Variants in ZNF10 observed in about 807,000 individuals in gnomAD.
ZNF10 encodes the protein zinc finger protein 10 (KOX 1).
ZNF10 carries 8 observed loss-of-function variants against 12.2 expected under a neutral mutation model. The ratio of observed to expected loss-of-function variants is 0.66; its 90% CI spans 0.39 to 1.18. ZNF10 has a LOEUF of 1.18. Among genes scored for constraint, ZNF10 ranks in the 50% most tolerant of loss-of-function variants. ZNF10 has a pLI of 0.01. For missense variants in ZNF10, 603 were observed against 678.9 expected, an observed-to-expected ratio of 0.89 and a Z score of 1.24; for synonymous variants, 229 against 228.2, an observed-to-expected ratio of 1.00 and a Z score of -0.03.
chr12:133,130,641 C>T lies in ZNF10; in HGVS notation c.-173C>T, dbSNP rs930872174. 2.0e-5 allele frequency: 3 copies of T among 152,400 alleles called. No homozygotes were observed. Among genetic ancestry groups the T allele is most frequent in the East Asian group, 3.8e-4 (2 of 5,202 alleles). 9.4% of individuals were successfully genotyped at this position (152,400 alleles called of 1,614,324 possible). ...GAGCCGGCCTCAGACTCACCTCTGA[C>T]GCCGCTCTTCGCGCTCCGCTGGTGA... On this transcript the variant is annotated 5_prime_UTR_variant, in exon 1 of 5. It adds an upstream start codon to the 5' untranslated region. Coordinates refer to ENST00000248211, the MANE Select transcript of ZNF10 (RefSeq NM_015394.5).
chr12:133,138,024 C>A (rs1416429105), intron 1 of ZNF10, among the ~76,000 whole-genome samples: 1 of 144,250 alleles, frequency 6.9e-6, no homozygotes, highest in Non-Finnish European at 1.5e-5. Context: ...GCTATACATT[C>A]ATTTGTACCA....
intron 1 of ZNF10, among the ~76,000 whole-genome samples, chr12:133,139,702 A>G (rs1955933295): frequency 6.6e-6 from 1 of 152,010 alleles, no homozygotes; most frequent in Admixed American, 6.6e-5. Flanking sequence ...AAGAGGGGGA[A>G]TTTATAGGTT....
In ZNF10 at chr12:133,156,359, T is replaced by C. The variant is rs1356144935; in HGVS notation, c.1113T>C (p.His371=). ...GGCTTATTAGACACCAGAGGACACA[T>C]ACTGGAGAGAAACCCTATGAATGTC... ...SSRLIRHQRT[H]TGEKPYECPE... The change falls in exon 5 of 5, where the codon CAT becomes CAC. Residue 371 remains histidine (H), a synonymous_variant. Coordinates refer to ENST00000248211, the MANE Select transcript of ZNF10 (RefSeq NM_015394.5). 5 of 1,613,966 alleles carry C rather than the reference T, an allele frequency of 3.1e-6. No homozygotes were observed. The highest frequency in any genetic ancestry group is 4.2e-6 in the Non-Finnish European group (5 of 1,180,026).
chr12:133,135,569 A>C (rs1022011473), intron 1 of ZNF10, among the ~76,000 whole-genome samples: 4 of 152,074 alleles, frequency 2.6e-5, no homozygotes, highest in Non-Finnish European at 5.9e-5. Flanking sequence ...ACTTCCACTC[A>C]TGACCCAAAC....
rs201972025 is a variant in ZNF10, at chr12:133,148,750, G to GTT, written c.34-2278_34-2277insTT. 2.2e-3 allele frequency among the ~76,000 whole-genome samples: 306 copies of GTT among 137,350 alleles called. 4 individuals are homozygous for GTT. Among genetic ancestry groups the GTT allele is most frequent in the South Asian group, 0.019 (84 of 4,322 alleles). The allele number at this position is 137,350 out of a possible 152,430, so 90.1% of individuals were successfully genotyped here. The stretch of plus-strand genomic sequence containing the variant: ...AGGTTTCTAGGTTGTATTCAATGTT[G>GTT]GTTTTTTTTTTTTTTTTTTGAGTTG... On this transcript the variant is annotated intron_variant, in intron 2 of 4. Coordinates refer to ENST00000248211, the MANE Select transcript of ZNF10 (RefSeq NM_015394.5).
At chr12:133,139,523 A>G (rs1955932176) in intron 1 of ZNF10, among the ~76,000 whole-genome samples, 1 of 152,174 alleles carries the variant, frequency 6.6e-6, no homozygotes, top group South Asian at 2.1e-4. Context: ...CCAAAAGGGA[A>G]TTTTAAACAG....
At chr12:133,154,155 G>A (rs1351138264) in intron 4 of ZNF10, among the ~76,000 whole-genome samples, 1 of 152,096 alleles carries the variant, frequency 6.6e-6, no homozygotes, top group Admixed American at 6.5e-5. Flanking sequence ...TACCAGGTAA[G>A]AGTGGAATGT....
At chr12:133,146,582 A>G (rs927839145) in intron 2 of ZNF10, among the ~76,000 whole-genome samples, 11 of 152,188 alleles carry the variant, frequency 7.2e-5, no homozygotes, top group Non-Finnish European at 1.3e-4. Flanking sequence ...ACTGTGGCTC[A>G]TGCCTGTAAT....
chr12:133,143,083 A>G (rs1247026163), intron 1 of ZNF10, among the ~76,000 whole-genome samples: 4 of 152,230 alleles, frequency 2.6e-5, no homozygotes, highest in African/African-American at 9.6e-5. Context: ...GAAATAAGCC[A>G]GACTCGAAAG....
At chr12:133,151,671 T>G (rs913692917) in intron 3 of ZNF10, 138 bp from the exon 4 acceptor site, 3 of 507,618 alleles carry the variant, frequency 5.9e-6, no homozygotes, top group African/African-American at 3.9e-5. Flanking sequence ...AAAATAAGTT[T>G]TCCTGCCTCT....
At chr12:133,144,147 G>A (rs1055185873) in intron 1 of ZNF10, 11 of 173,526 alleles carry the variant, frequency 6.3e-5, no homozygotes, top group African/African-American at 9.6e-5. Flanking sequence ...ATTTTTTTCC[G>A]CAAAAAAAAA....
chr12:133,141,239 A>C (rs975334023), intron 1 of ZNF10, among the ~76,000 whole-genome samples: 7 of 152,198 alleles, frequency 4.6e-5, no homozygotes, highest in African/African-American at 1.7e-4. Context: ...CAAATAACCT[A>C]ACCATCCTAA....
chr12:133,147,893 T>C (rs1264692322), intron 2 of ZNF10, among the ~76,000 whole-genome samples: 2 of 151,902 alleles, frequency 1.3e-5, no homozygotes, highest in Admixed American at 1.3e-4. Context: ...GAGGCCTGCC[T>C]TGGCCTCCCA....
At chr12:133,134,311 TC>T (rs1955898805) in intron 1 of ZNF10, among the ~76,000 whole-genome samples, 1 of 149,054 alleles carries the variant, frequency 6.7e-6, no homozygotes, top group African/African-American at 2.5e-5. Flanking sequence ...AGACTCCCTC[TC>T]AAAAAAAAAA....
At position 133,151,165 on chromosome 12, in the gene ZNF10, C is replaced by T. The variant is rs1190788748; in HGVS notation, c.160+11C>T. 2 of 1,606,578 alleles carry T rather than the reference C, an allele frequency of 1.2e-6. No homozygotes were observed. Among genetic ancestry groups the T allele is most frequent in the East Asian group, 2.2e-5 (1 of 44,728 alleles). On this transcript the variant is annotated intron_variant, in intron 3 of 4. Coordinates refer to ENST00000248211, the MANE Select transcript of ZNF10 (RefSeq NM_015394.5). ...ACCTGGTTTCCTTGGGTAAGACTAG[C>T]TCTGTTTTTGAAGATTTTGGTTCTC...
At chr12:133,135,501 T>C (rs1417591002) in intron 1 of ZNF10, among the ~76,000 whole-genome samples, 1 of 152,218 alleles carries the variant, frequency 6.6e-6, no homozygotes, top group African/African-American at 2.4e-5. Flanking sequence ...CCTTGCCTTC[T>C]CATCTCTGGA....
chr12:133,151,815 A>G lies in ZNF10; in HGVS notation c.167A>G (p.Gln56Arg). 1 of 1,613,312 alleles carries G rather than the reference A, an allele frequency of 6.2e-7. No homozygotes were observed. The highest frequency in any genetic ancestry group is 8.5e-7 in the Non-Finnish European group (1 of 1,179,490). ...TGTCTTTCACTGTGAACAGGTTATC[A>G]GCTTACTAAGCCAGATGTGATCCTC... ...NYKNLVSLGY[Q>R]LTKPDVILRL... Residue 56 changes from glutamine (Q) to arginine (R), a missense_variant, in exon 4 of 5, where the codon CAG becomes CGG. This residue lies in a region of ZNF10 where 393 missense variants were observed against 399.7 expected (regional missense o/e 0.98). Transcript: ENST00000248211.
intron 1 of ZNF10, among the ~76,000 whole-genome samples, chr12:133,139,555 A>G (rs548950121): frequency 1.9e-4 from 29 of 152,314 alleles, no homozygotes; most frequent in African/African-American, 6.5e-4. Context: ...TTTGTGTTTT[A>G]CAGAGATGAT....
chr12:133,149,877 AT>A (rs1421404114), intron 2 of ZNF10, among the ~76,000 whole-genome samples: 1 of 151,792 alleles, frequency 6.6e-6, no homozygotes, highest in African/African-American at 2.4e-5. Context: ...TCAGCTTTAT[AT>A]TTTTGTATTT....
Sources: gnomAD v4.1 joint callset for allele counts (sites outside exome capture counted in the v4.1 genomes callset) on GRCh38, gnomAD v4.1.1 for gene constraint, gnomAD v4.1.1 regional missense constraint, MANE v1.5 for transcripts, NCBI Gene and HGNC (gene_info 2026-07-23, HGNC 2026-07-21) for gene names.